The following CACNG4 variants were observed in gnomAD, a reference collection of about 807,000 sequenced individuals.
CACNG4 encodes the protein voltage-dependent calcium channel gamma-4 subunit.
In CACNG4, 8 loss-of-function variants were observed where a neutral mutation model predicts 22.9. The observed-to-expected ratio is 0.35, with a 90% CI of 0.21 to 0.63. CACNG4 has a LOEUF of 0.63. CACNG4 is among the 30% of genes least tolerant of loss of function. The probability of loss-of-function intolerance (pLI) is 0.72; values close to 1 mark genes in which losing one functional copy is unlikely to be tolerated. For synonymous variants in CACNG4, 188 were observed against 191.9 expected (o/e 0.98, Z 0.17); for missense variants, 357 against 455.4 (o/e 0.78, Z 1.97).
chr17:66,995,535 T>A (rs538054918), intron 1 of CACNG4, among the ~76,000 whole-genome samples: 436 of 152,158 alleles, frequency 2.9e-3, no homozygotes, highest in Non-Finnish European at 4.4e-3. Context: ...TACAGGAATT[T>A]ATGACAGTGT....
rs1338397213 is a variant in CACNG4 at position 67,032,606 on chromosome 17, G to A, written c.*1602G>A. Reference sequence around the variant, plus strand: ...CCATCCCATCTTCCTTTGCCCCCAGGAAAGGACGCATCCACCGGTAGCGGC... The same window carrying A: ...CCATCCCATCTTCCTTTGCCCCCAGAAAAGGACGCATCCACCGGTAGCGGC... On this transcript the variant is annotated 3_prime_UTR_variant, in exon 4 of 4. Transcript: ENST00000262138. 1 of 155,130 alleles carries A rather than the reference G, an allele frequency of 6.4e-6. No individual in the cohort carries two copies. Among genetic ancestry groups the A allele is most frequent in the Admixed American group, 6.3e-5 (1 of 15,954 alleles). The allele number at this position is 155,130 out of a possible 1,614,324, so 9.6% of individuals were successfully genotyped here. A position where few individuals can be genotyped will look rare whatever the true frequency, so the allele number is the denominator to read the frequency against.
At chr17:67,029,701 T>C (rs1204225983) in intron 3 of CACNG4, among the ~76,000 whole-genome samples, 1 of 152,190 alleles carries the variant, frequency 6.6e-6, no homozygotes. Context: ...ATGTACCAGG[T>C]TGTTTTCTTT....
intron 1 of CACNG4, among the ~76,000 whole-genome samples, chr17:66,973,908 G>A (rs146307295): frequency 7.2e-5 from 11 of 152,344 alleles, no homozygotes; most frequent in African/African-American, 1.4e-4. Context: ...GAAGTGCTGC[G>A]CGAGACTCTC....
chr17:66,965,197 C>CAT (rs2035161158), intron 1 of CACNG4, 66 bp downstream of exon 1: 6 of 788,722 alleles, frequency 7.6e-6, no homozygotes, highest in African/African-American at 6.0e-5. Flanking sequence ...TATACACACG[C>CAT]GCGCGCGCGC....
intron 1 of CACNG4, among the ~76,000 whole-genome samples, chr17:67,014,287 A>T (rs1312441476): frequency 6.6e-6 from 1 of 152,228 alleles, no homozygotes; most frequent in African/African-American, 2.4e-5. Context: ...TACTCCTTGC[A>T]TCAGCTATTC....
At chr17:66,967,740 A>G (rs1025774877) in intron 1 of CACNG4, among the ~76,000 whole-genome samples, 9 of 152,256 alleles carry the variant, frequency 5.9e-5, no homozygotes, top group African/African-American at 2.2e-4. Flanking sequence ...CAGGCAGCTA[A>G]TAAGACTCCG....
At chr17:66,980,156 A>C (rs967766125) in intron 1 of CACNG4, among the ~76,000 whole-genome samples, 1 of 152,186 alleles carries the variant, frequency 6.6e-6, no homozygotes, top group Non-Finnish European at 1.5e-5. Flanking sequence ...ACTTATAACC[A>C]AATTGATTCC....
At position 67,024,967 on chromosome 17, in the gene CACNG4, G is replaced by A. The variant is rs535107281; in HGVS notation, c.412G>A (p.Val138Ile). ...GRIYSRKNNI[V>I]LSAGILFVAA... ...GATCTACAGCCGCAAGAACAACATCGTCCTCAGTGCCGGCATCCTCTTCGT... is the reference window on the plus strand; with the variant it reads ...GATCTACAGCCGCAAGAACAACATCATCCTCAGTGCCGGCATCCTCTTCGT... The change falls in exon 3 of 4, where the codon GTC becomes ATC. Residue 138 changes from valine to isoleucine, a missense_variant. Physicochemically the swap from Val to Ile is conservative, Grantham distance 29. Around this residue, in one of 3 missense-constraint regions of CACNG4, gnomAD observed 240 missense variants for 277.6 expected, o/e 0.86. Coordinates refer to ENST00000262138, the MANE Select transcript of CACNG4 (RefSeq NM_014405.4). The A allele has an allele frequency of 9.3e-6, 15 of 1,604,288 alleles. No individual in the cohort carries two copies. The highest frequency in any genetic ancestry group is 8.9e-5 in the South Asian group (8 of 89,522).
At chr17:67,005,307 A>G (rs1424443112) in intron 1 of CACNG4, among the ~76,000 whole-genome samples, 2 of 152,174 alleles carry the variant, frequency 1.3e-5, no homozygotes, top group African/African-American at 4.8e-5. Context: ...ATGCAGGGCC[A>G]TGGGGGAAGT....
intron 1 of CACNG4, among the ~76,000 whole-genome samples, chr17:66,996,064 A>C (rs1303360736): frequency 6.6e-6 from 1 of 152,040 alleles, no homozygotes; most frequent in African/African-American, 2.4e-5. Flanking sequence ...ATCACATTAC[A>C]ATCAAGCCAT....
At chr17:66,981,421 T>G (rs2143290658) in intron 1 of CACNG4, among the ~76,000 whole-genome samples, 1 of 152,302 alleles carries the variant, frequency 6.6e-6, no homozygotes, top group South Asian at 2.1e-4. Flanking sequence ...TGCAAGCAGT[T>G]TTTTTGGGTT....
intron 1 of CACNG4, among the ~76,000 whole-genome samples, chr17:67,016,391 A>T (rs2035497846): frequency 6.6e-6 from 1 of 152,014 alleles, no homozygotes; most frequent in Admixed American, 6.5e-5. Context: ...CAGGGTTGTC[A>T]CTGAACACTC....
Position 67,031,944 on chromosome 17 carries a change from C to A in CACNG4, c.*940C>A. The A allele has an allele frequency of 8.8e-6, 4 of 456,716 alleles. No individual in the cohort carries two copies. The highest frequency in any genetic ancestry group is 3.1e-5 in the South Asian group (2 of 64,572). 28.3% of individuals were successfully genotyped at this position (456,716 alleles called of 1,614,324 possible). A position where few individuals can be genotyped will look rare whatever the true frequency, so the allele number is the denominator to read the frequency against. On this transcript the variant is annotated 3_prime_UTR_variant, in exon 4 of 4. Coordinates refer to ENST00000262138, the MANE Select transcript of CACNG4 (RefSeq NM_014405.4). The surrounding 1 kb of genome is among the most constrained non-coding windows in gnomAD (Gnocchi z 4.0). Reference sequence around the variant, plus strand: ...GGCAACAGGAGCCTGGACTTCTGTGCAAGAAAGGGAGACCTAAGGGTGAAC... The same window carrying A: ...GGCAACAGGAGCCTGGACTTCTGTGAAAGAAAGGGAGACCTAAGGGTGAAC...
chr17:66,970,849 A>G (rs1226373528), intron 1 of CACNG4, among the ~76,000 whole-genome samples: 5 of 152,324 alleles, frequency 3.3e-5, no homozygotes, highest in East Asian at 1.9e-4. Flanking sequence ...TTACTCTCCA[A>G]TCATTCAGGA....
intron 1 of CACNG4, among the ~76,000 whole-genome samples, chr17:66,981,138 G>C (rs1370955762): frequency 6.6e-6 from 1 of 152,106 alleles, no homozygotes; most frequent in Non-Finnish European, 1.5e-5. Flanking sequence ...GCTTCCCCTT[G>C]TGTCTTTGTT....
At chr17:67,019,639 C>A (rs975840991) in intron 2 of CACNG4, among the ~76,000 whole-genome samples, 1 of 152,214 alleles carries the variant, frequency 6.6e-6, no homozygotes, top group African/African-American at 2.4e-5. Context: ...CAATCCAGGG[C>A]AATCAGGTGG....
intron 1 of CACNG4, among the ~76,000 whole-genome samples, chr17:66,980,622 T>A (rs1226123656): frequency 2.3e-4 from 15 of 65,418 alleles, no homozygotes; most frequent in Admixed American, 2.0e-3. Context: ...TGTAAATTCT[T>A]TTTTTTTTTT....
At chr17:67,022,395 T>C (rs1390965150) in intron 2 of CACNG4, among the ~76,000 whole-genome samples, 1 of 152,132 alleles carries the variant, frequency 6.6e-6, no homozygotes. Flanking sequence ...AACGAGGGCA[T>C]TGAGGGGATG....
chr17:67,029,637 A>AAAACAAAC (rs57964937), intron 3 of CACNG4, among the ~76,000 whole-genome samples: 29 of 150,962 alleles, frequency 1.9e-4, no homozygotes, highest in East Asian at 1.6e-3. Flanking sequence ...CTGGCTCCAA[A>AAAACAAAC]AAACAAACAA....
Sources: gnomAD v4.1 joint callset for allele counts (sites outside exome capture counted in the v4.1 genomes callset) on GRCh38, gnomAD v4.1.1 for gene constraint, gnomAD v4.1.1 regional missense constraint, Gnocchi (gnomAD v3.1) non-coding constraint, MANE v1.5 for transcripts, NCBI Gene and HGNC (gene_info 2026-07-23, HGNC 2026-07-21) for gene names.